Variants in SNX20 observed in about 807,000 individuals in gnomAD.
SNX20 encodes sorting nexin-20.
Under a neutral mutation model 24.5 loss-of-function variants are expected in SNX20, and 21 were observed. The observed-to-expected ratio is 0.86, with a 90% CI of 0.61 to 1.23. SNX20 has a LOEUF of 1.23. Among genes scored for constraint, SNX20 ranks in the 50% most tolerant of loss-of-function variants. The pLI is 0.00. For synonymous variants in SNX20, 206 were observed against 192.8 expected (o/e 1.07, Z -0.57); for missense variants, 433 against 430.8 (o/e 1.00, Z -0.04).
rs529273270 is a variant in SNX20, at chr16:50,680,477, G to A, written c.-10+713C>T. On this transcript the variant is annotated intron_variant, in intron 1 of 3. Coordinates refer to ENST00000330943, the MANE Select transcript of SNX20 (RefSeq NM_182854.4). ...CATTCTCCTCCTCCTGTCCCCAGGTGTCCTAACCACCCCCTCTCCAAGAGC... is the reference window on the plus strand; with the variant it reads ...CATTCTCCTCCTCCTGTCCCCAGGTATCCTAACCACCCCCTCTCCAAGAGC... 4.4e-4 allele frequency among the ~76,000 whole-genome samples: 67 copies of A among 152,244 alleles called. 1 individual carries two copies. In the South Asian group the frequency reaches 0.014, roughly 32 times the overall value.
At chr16:50,669,459 G>A (rs900643542), downstream of SNX20, 17 of 259,370 alleles carry the variant, frequency 6.6e-5, no homozygotes, top group East Asian at 1.1e-3. Flanking sequence ...TCATTACCAC[G>A]GGGAGGGCAC....
Position 50,674,056 on chromosome 16 carries a change from T to C in SNX20, c.301A>G (p.Ile101Val), listed in dbSNP as rs1963125935. ...SKFVVYQIIV[I>V]QTGSFDNNKA... ...TTGTTGTCAAAGCTCCCAGTCTGGA[T>C]GACGATGATTTGGTACACCTAGGGC... Residue 101 changes from isoleucine (I) to valine (V), a missense_variant, in exon 4 of 4, where the codon ATC becomes GTC. By Grantham distance (29) the Ile-to-Val change is conservative. Transcript: ENST00000330943. 3.1e-6 allele frequency: 5 copies of C among 1,603,904 alleles called. No individual in the cohort carries two copies. Among genetic ancestry groups the C allele is most frequent in the Non-Finnish European group, 3.4e-6 (4 of 1,174,538 alleles).
At chr16:50,677,021 A>G (rs8054275) in intron 2 of SNX20, among the ~76,000 whole-genome samples, 19,847 of 152,162 alleles carry the variant, frequency 0.13, 4,352 homozygotes, top group African/African-American at 0.45. Flanking sequence ...CCCTTCTCCT[A>G]TGCAGGGCAG....
chr16:50,674,234 T>C (rs1243175201), intron 3 of SNX20, among the ~76,000 whole-genome samples, 160 bp from the exon 4 acceptor site: 1 of 117,758 alleles, frequency 8.5e-6, no homozygotes, highest in African/African-American at 4.9e-5. Context: ...TGTTTGTTTA[T>C]TTATTTATTT....
In SNX20 at chr16:50,675,868, G is replaced by A. The variant is rs1025699513; in HGVS notation, c.184C>T (p.Gln62Ter). The A allele has an allele frequency of 1.9e-6, 3 of 1,612,810 alleles. No individual in the cohort carries two copies. ...NSSMTTRELQ[Q>*]YWQNQKCRWK... ...CGGCATTTCTGGTTCTGCCAGTACT[G>A]CTGAAGCTCCCGCGTGGTCATGCTG... Residue 62 changes from glutamine to a stop codon, truncating the protein, a stop_gained, in exon 3 of 4, where the codon CAG (glutamine) becomes TAG (stop). Transcript: ENST00000330943. LOFTEE classifies it high-confidence loss of function.
At position 50,680,402 on chromosome 16, in the gene SNX20, G is replaced by A. The variant is rs564502919; in HGVS notation, c.-10+788C>T. Among the ~76,000 whole-genome samples the A allele has an allele frequency of 1.2e-4, 18 of 152,298 alleles. No individual in the cohort carries two copies. The East Asian group carries it at 3.3e-3, about 28-fold the overall frequency. ...GGGCCTGTAGTTGGCCCAGGGGACA[G>A]AGCAGCTTCCCAGCCTCCTCTGCCT... On this transcript the variant is annotated intron_variant, in intron 1 of 3. Transcript: ENST00000330943.
At position 50,673,877 on chromosome 16, in the gene SNX20, G is replaced by C; in HGVS notation, c.480C>G (p.Ala160=). The change falls in exon 4 of 4, where the codon GCC becomes GCG. Residue 160 remains alanine (A), a synonymous_variant. Transcript: ENST00000330943. This position sits in a 1 kb window ranked among gnomAD's most constrained non-coding sequence, Gnocchi z 4.1. ...AEEMICERRR[A]LQEYLGLLYA... ...AGAGCAGGCCCAGGTACTCCTGCAGGGCGCGCCGACGCTCACAGATCATCT... is the reference window on the plus strand; with the variant it reads ...AGAGCAGGCCCAGGTACTCCTGCAGCGCGCGCCGACGCTCACAGATCATCT... 6.2e-7 allele frequency: 1 copy of C among 1,607,610 alleles called. No homozygotes were observed. The highest frequency in any genetic ancestry group is 8.5e-7 in the Non-Finnish European group (1 of 1,179,648).
At position 50,675,973 on chromosome 16, in the gene SNX20, G is replaced by A. The variant is rs1189448543; in HGVS notation, c.131-52C>T. 4 of 1,538,092 alleles carry A rather than the reference G, an allele frequency of 2.6e-6. No individual in the cohort carries two copies. In the South Asian group the frequency reaches 3.7e-5, roughly 14 times the overall value. ...TGCACCCTGTCAGTGCACTTCCGAG[G>A]CATGGGCTTGGGGAGATGGCTGGGT... is the stretch of plus-strand genomic sequence containing the variant. On this transcript the variant is annotated intron_variant, in intron 2 of 3. Transcript: ENST00000330943.
downstream of SNX20, chr16:50,669,407 A>G (rs1962990448): frequency 6.8e-6 from 3 of 441,732 alleles, no homozygotes; most frequent in South Asian, 8.6e-5. Context: ...AGGCTCTTCT[A>G]AACAACCAGC....
chr16:50,669,027 G>T (rs1333833215), downstream of SNX20: 12 of 1,551,726 alleles, frequency 7.7e-6, no homozygotes, highest in South Asian at 1.4e-4. Context: ...GGGTTATTCT[G>T]TGTGTGCTGC....
At position 50,677,487 on chromosome 16, in the gene SNX20, C is replaced by T. The variant is rs1442390144; in HGVS notation, c.40G>A (p.Gly14Arg). 1.9e-6 allele frequency: 3 copies of T among 1,606,688 alleles called. No homozygotes were observed. Among genetic ancestry groups the T allele is most frequent in the Non-Finnish European group, 2.6e-6 (3 of 1,176,234 alleles). The change falls in exon 2 of 4, where the codon GGA becomes AGA. Residue 14 changes from glycine to arginine, a missense_variant. By Grantham distance (125) the Gly-to-Arg change is moderately radical. Coordinates refer to ENST00000330943, the MANE Select transcript of SNX20 (RefSeq NM_182854.4). The stretch of plus-strand genomic sequence containing the variant: ...CTTGCCGTGCACTGGGTTATGGGTC[C>T]CATGCAGCCAGGGCTCCCAGGGTGC... ...PEHPGSPGCMGPITQCTARTQ... is the reference protein window; with the variant it reads ...PEHPGSPGCMRPITQCTARTQ...
intron 3 of SNX20, among the ~76,000 whole-genome samples, chr16:50,674,544 G>C (rs115807970): frequency 0.028 from 4,209 of 152,190 alleles, 136 homozygotes; most frequent in East Asian, 0.1. Context: ...CACTGCACCT[G>C]GCCCAATTCT....
At chr16:50,680,716 G>A (rs1252963687) in intron 1 of SNX20, among the ~76,000 whole-genome samples, 2 of 152,208 alleles carry the variant, frequency 1.3e-5, no homozygotes, top group Non-Finnish European at 2.9e-5. Flanking sequence ...ACGCTCACCT[G>A]AGAAGCCTTG....
Position 50,677,467 on chromosome 16 carries a change from C to T in SNX20, c.60G>A (p.Thr20=), listed in dbSNP as rs761526449. ...PGCMGPITQC[T]ARTQQEAPAT... ...CTGGTGCTTCCTGCTGGGTCCTTGC[C>T]GTGCACTGGGTTATGGGTCCCATGC... is the stretch of plus-strand genomic sequence containing the variant. Residue 20 remains threonine (T), a synonymous_variant, in exon 2 of 4, where the codon ACG becomes ACA. Coordinates refer to ENST00000330943, the MANE Select transcript of SNX20 (RefSeq NM_182854.4). The T allele has an allele frequency of 4.6e-5, 74 of 1,610,086 alleles. 2 individuals are homozygous for T. Among genetic ancestry groups the T allele is most frequent in the Admixed American group, 2.7e-4 (16 of 59,520 alleles).
rs1963161786 is a variant in SNX20, at chr16:50,675,601, G to A, written c.282+169C>T. On this transcript the variant is annotated intron_variant, in intron 3 of 3. Coordinates refer to ENST00000330943, the MANE Select transcript of SNX20 (RefSeq NM_182854.4). ...GTTCGAATCCTCACAGACCCTAGCAGGTGCTGAGCCTGAAATCTTGCTCTT... is the reference window on the plus strand; with the variant it reads ...GTTCGAATCCTCACAGACCCTAGCAAGTGCTGAGCCTGAAATCTTGCTCTT... Among the ~76,000 whole-genome samples the A allele has an allele frequency of 2.6e-5, 4 of 152,176 alleles. No homozygotes were observed. In the South Asian group the frequency reaches 8.3e-4, roughly 32 times the overall value.
At position 50,673,338 on chromosome 16, in the gene SNX20, C is replaced by A; in HGVS notation, c.*68G>T. 2 of 1,398,580 alleles carry A rather than the reference C, an allele frequency of 1.4e-6. No individual in the cohort carries two copies. The highest frequency in any genetic ancestry group is 1.8e-5 in the South Asian group (1 of 55,954). The allele number at this position is 1,398,580 out of a possible 1,614,324, so 86.6% of individuals were successfully genotyped here. A position where few individuals can be genotyped will look rare whatever the true frequency, so the allele number is the denominator to read the frequency against. ...AAAAGGAAAAATAAAAAAAAAGAACCCCAAACAGCCCACTGTGAGCCATGG... is the reference window on the plus strand; with the variant it reads ...AAAAGGAAAAATAAAAAAAAAGAACACCAAACAGCCCACTGTGAGCCATGG... On this transcript the variant is annotated 3_prime_UTR_variant, in exon 4 of 4. Transcript: ENST00000330943. The surrounding 1 kb of genome is among the most constrained non-coding windows in gnomAD (Gnocchi z 4.1).
At chr16:50,666,498 T>G (rs893787214) in exon 4 of SNX20, 1 of 152,226 alleles carries the variant, frequency 6.6e-6, no homozygotes, top group South Asian at 2.1e-4. Context: ...TTTTGCAACA[T>G]TGTGGGGTGG....
intron 1 of SNX20, among the ~76,000 whole-genome samples, chr16:50,678,861 ACT>A (rs994482285): frequency 6.6e-6 from 1 of 152,110 alleles, no homozygotes; most frequent in African/African-American, 2.4e-5. Context: ...AGTCAGGCAG[ACT>A]CTGAAGCCTC....
downstream of SNX20, chr16:50,669,014 GC>G: frequency 1.9e-6 from 3 of 1,551,458 alleles, no homozygotes; most frequent in Non-Finnish European, 2.6e-6. Flanking sequence ...GAATTTGGAT[GC>G]AGGGTTATTC....
Sources: gnomAD v4.1 joint callset for allele counts (sites outside exome capture counted in the v4.1 genomes callset) on GRCh38, gnomAD v4.1.1 for gene constraint, Gnocchi (gnomAD v3.1) non-coding constraint, MANE v1.5 for transcripts, NCBI Gene and HGNC (gene_info 2026-07-23, HGNC 2026-07-21) for gene names.